The following PCDHA2 variants were observed in gnomAD, a reference collection of about 807,000 sequenced individuals.
The protein encoded by PCDHA2 is protocadherin alpha-2.
Under a neutral mutation model 66.0 loss-of-function variants are expected in PCDHA2, and 58 were observed. The ratio of observed to expected loss-of-function variants is 0.88; its 90% CI spans 0.71 to 1.09. The LOEUF (loss-of-function observed/expected upper bound fraction) is 1.09, where lower values mean the gene tolerates loss of function less well. PCDHA2 is among the 50% of genes least tolerant of loss of function. The pLI, the probability that PCDHA2 is intolerant of heterozygous loss-of-function variation, is 0.00. For synonymous variants in PCDHA2, 634 were observed against 554.0 expected (o/e 1.14, Z -2.03); for missense variants, 1,267 against 1,242.3 (o/e 1.02, Z -0.30).
chr5:141,008,362 G>A (rs2098372939), intron 3 of PCDHA2, among the ~76,000 whole-genome samples: 1 of 152,172 alleles, frequency 6.6e-6, no homozygotes, highest in Non-Finnish European at 1.5e-5. Flanking sequence ...AACCAAAGGA[G>A]CAGTGTTAGA....
rs139576828 is a variant in PCDHA2 at position 140,850,837 on chromosome 5, G to T, written c.2388+53485G>T. 6 of 1,597,642 alleles carry T rather than the reference G, an allele frequency of 3.8e-6. No individual in the cohort carries two copies. In the African/African-American group the frequency reaches 8.1e-5, roughly 21 times the overall value. On this transcript the variant is annotated intron_variant, in intron 1 of 3. Transcript: ENST00000526136. The stretch of plus-strand genomic sequence containing the variant: ...AGCCCGGGCCTTTCTCCTTGTGCTG[G>T]ATCTACAGAGCGAACGGGAGAACCC...
chr5:140,932,430 G>A (rs1563132683), intron 1 of PCDHA2, among the ~76,000 whole-genome samples: 1 of 151,794 alleles, frequency 6.6e-6, no homozygotes, highest in East Asian at 1.9e-4. Context: ...TGTTCACCTG[G>A]AATTAAAGCA....
At chr5:140,883,792 G>C (rs1050179503) in intron 1 of PCDHA2, 7 of 1,612,560 alleles carry the variant, frequency 4.3e-6, no homozygotes, top group African/African-American at 1.3e-5. Flanking sequence ...CGAGCTACGT[G>C]TCGGTGCACG....
At chr5:140,891,889 G>C (rs1319520907) in intron 1 of PCDHA2, among the ~76,000 whole-genome samples, 1 of 152,224 alleles carries the variant, frequency 6.6e-6, no homozygotes, top group Non-Finnish European at 1.5e-5. Context: ...ATGTGACGAT[G>C]CAGCAAGAAG....
intron 1 of PCDHA2, among the ~76,000 whole-genome samples, chr5:140,964,239 GTTGGC>G (rs2095819198): frequency 6.6e-6 from 1 of 152,180 alleles, no homozygotes; most frequent in African/African-American, 2.4e-5. Context: ...GGCTGATTGT[GTTGGC>G]TTTATATTTG....
At position 140,906,503 on chromosome 5, in the gene PCDHA2, AAAG is replaced by A. The variant is rs537708204; in HGVS notation, c.2389-72442_2389-72440del. Among the ~76,000 whole-genome samples the A allele has an allele frequency of 2.0e-5, 3 of 152,376 alleles. No homozygotes were observed. The South Asian group carries it at 6.2e-4, about 32-fold the overall frequency. On this transcript the variant is annotated intron_variant, in intron 1 of 3. Transcript: ENST00000526136. The stretch of plus-strand genomic sequence containing the variant: ...ATAAATGCACAAACATGTTTTTAAC[AAAG>A]AAGGAGGAAATACTCACGACAATTA...
chr5:140,887,239 G>A (rs1248062448), intron 1 of PCDHA2, among the ~76,000 whole-genome samples: 2 of 151,736 alleles, frequency 1.3e-5, no homozygotes, highest in Admixed American at 6.6e-5. Context: ...TGAGACTACC[G>A]GCGCCCGCCA....
rs1318290193 is a variant in PCDHA2, at chr5:140,849,912, C to G, written c.2388+52560C>G. ...GAAGGAGAACAACCCGCCGGGCTGCCACATCTTCACGGTGTCTGCGCGGGA... is the reference window on the plus strand; with the variant it reads ...GAAGGAGAACAACCCGCCGGGCTGCGACATCTTCACGGTGTCTGCGCGGGA... On this transcript the variant is annotated intron_variant, in intron 1 of 3. Coordinates refer to ENST00000526136, the MANE Select transcript of PCDHA2 (RefSeq NM_018905.3). 51 of 1,598,266 alleles carry G rather than the reference C, an allele frequency of 3.2e-5. 3 individuals are homozygous for G. The highest frequency in any genetic ancestry group is 4.2e-5 in the Non-Finnish European group (49 of 1,167,792).
intron 1 of PCDHA2, chr5:140,929,159 A>C (rs781818133): frequency 1.2e-6 from 2 of 1,613,968 alleles, no homozygotes; most frequent in African/African-American, 1.3e-5. Context: ...ACTTATCTCT[A>C]TCGGGCCTCT....
chr5:140,876,023 C>G, intron 1 of PCDHA2: 1 of 1,612,330 alleles, frequency 6.2e-7, no homozygotes, highest in Non-Finnish European at 8.5e-7. Flanking sequence ...AAAATAAAAA[C>G]AAAAAAAGAT....
At chr5:140,963,120 A>G (rs1210822785) in intron 1 of PCDHA2, among the ~76,000 whole-genome samples, 1 of 152,174 alleles carries the variant, frequency 6.6e-6, no homozygotes, top group African/African-American at 2.4e-5. Context: ...ATAATTAAAG[A>G]GATAATATTA....
At chr5:140,829,564 C>T (rs2150170116) in intron 1 of PCDHA2, 39 of 1,612,548 alleles carry the variant, frequency 2.4e-5, no homozygotes, top group Non-Finnish European at 8.5e-6. Context: ...CGCTGGTGTC[C>T]TACTCGCTGG....
At chr5:140,966,741 G>A in intron 1 of PCDHA2, 1 of 1,421,320 alleles carries the variant, frequency 7.0e-7, no homozygotes, top group Non-Finnish European at 9.1e-7. Context: ...GGCCCTGCCC[G>A]GCTGCCTCCG....
At chr5:140,822,804 T>C (rs558794478) in intron 1 of PCDHA2, 2 of 1,614,204 alleles carry the variant, frequency 1.2e-6, no homozygotes, top group Non-Finnish European at 1.7e-6. Flanking sequence ...TGGATGTGAA[T>C]GATAATACCC....
chr5:140,869,157 TCTC>T (rs1201897612), intron 1 of PCDHA2: 2 of 1,613,798 alleles, frequency 1.2e-6, no homozygotes, highest in South Asian at 1.1e-5. Context: ...AGCTCTGGCT[TCTC>T]CTCCTCGAAT....
intron 3 of PCDHA2, among the ~76,000 whole-genome samples, chr5:140,991,634 A>G (rs1261533190): frequency 5.9e-5 from 9 of 152,196 alleles, no homozygotes; most frequent in African/African-American, 1.7e-4. Flanking sequence ...TGTAATAACA[A>G]TCTGTTCATG....
rs782655019 is a variant in PCDHA2 at position 140,796,574 on chromosome 5, C to A, written c.1610C>A (p.Ala537Glu). 2.5e-6 allele frequency: 4 copies of A among 1,613,270 alleles called. No homozygotes were observed. The Admixed American group carries it at 6.7e-5, about 27-fold the overall frequency. ...EVELLQFQVS[A>E]RDAGVPPLGS... Reference sequence around the variant, plus strand: ...GAGCTGCTGCAGTTCCAGGTGAGCGCGCGGGATGCGGGCGTGCCGCCTCTG... The same window carrying A: ...GAGCTGCTGCAGTTCCAGGTGAGCGAGCGGGATGCGGGCGTGCCGCCTCTG... The change falls in exon 1 of 4, where the codon GCG becomes GAG. Residue 537 changes from alanine (A) to glutamate (E), a missense_variant. Physicochemically the swap from Ala to Glu is moderately radical, Grantham distance 107. Coordinates refer to ENST00000526136, the MANE Select transcript of PCDHA2 (RefSeq NM_018905.3).
At chr5:140,968,332 C>T (rs2096240603) in intron 1 of PCDHA2, 2 of 1,614,158 alleles carry the variant, frequency 1.2e-6, no homozygotes, top group Non-Finnish European at 1.7e-6. Flanking sequence ...CCTCCTATGT[C>T]TCCATTAACA....
At chr5:140,868,592 C>T (rs1294333400) in intron 1 of PCDHA2, 1 of 152,974 alleles carries the variant, frequency 6.5e-6, no homozygotes, top group Non-Finnish European at 1.5e-5. Context: ...ATGTTTAACC[C>T]TAGTTTTTCA....
Sources: allele counts gnomAD v4.1 joint callset (sites outside exome capture counted in the v4.1 genomes callset), GRCh38; gene constraint gnomAD v4.1.1; transcripts MANE v1.5; gene names NCBI Gene and HGNC (gene_info 2026-07-23, HGNC 2026-07-21).